SGSM3: variants seen among roughly 807,000 people sequenced by gnomAD.
SGSM3 encodes the protein RUN and SH3 containing 3.
SGSM3 carries 96 observed loss-of-function variants against 100.5 expected under a neutral mutation model. That is an observed-to-expected ratio of 0.96 (90% CI 0.81 to 1.13). SGSM3 has a LOEUF of 1.13. Among genes scored for constraint, SGSM3 ranks in the 50% most tolerant of loss-of-function variants. The pLI, the probability that SGSM3 is intolerant of heterozygous loss-of-function variation, is 0.00. For synonymous variants in SGSM3, 483 were observed against 422.8 expected (o/e 1.14, Z -1.75); for missense variants, 1,001 against 1,015.8 (o/e 0.99, Z 0.20).
chr22:40,402,962 TCA>T (rs1220986073), intron 4 of SGSM3, among the ~76,000 whole-genome samples: 1 of 152,224 alleles, frequency 6.6e-6, no homozygotes, highest in Non-Finnish European at 1.5e-5. Context: ...CACCTTCAGG[TCA>T]CTCACGTTTC....
rs2051539927 is a variant in SGSM3 at position 40,406,474 on chromosome 22, A to T, written c.997A>T (p.Ile333Phe). Residue 333 changes from isoleucine (I) to phenylalanine (F), a missense_variant, in exon 10 of 22, where the codon ATC becomes TTC. By Grantham distance (21) the Ile-to-Phe change is conservative. Transcript: ENST00000248929. ...ELIQSENSAS[I>F]FNTLSDIPSQ... The stretch of plus-strand genomic sequence containing the variant: ...GATCCAGTCAGAGAACTCGGCCTCC[A>T]TCTTCAACACGCTATCGGATATCCC... 2 of 1,601,198 alleles carry T rather than the reference A, an allele frequency of 1.2e-6. No homozygotes were observed. The highest frequency in any genetic ancestry group is 1.7e-6 in the Non-Finnish European group (2 of 1,171,698).
chr22:40,385,261 T>C (rs767837725), intron 1 of SGSM3, among the ~76,000 whole-genome samples: 12 of 152,112 alleles, frequency 7.9e-5, no homozygotes, highest in Non-Finnish European at 1.6e-4. Context: ...AGTGAGTTGA[T>C]TGATGAAGCA....
At position 40,406,313 on chromosome 22, in the gene SGSM3, G is replaced by T. The variant is rs576727197; in HGVS notation, c.960+90G>T. ...GACCTCCCTGGGCCAGGCAAGACCA[G>T]CCCCCTGGCCCCTGACAACTGTGCC... On this transcript the variant is annotated intron_variant, in intron 9 of 21. Coordinates refer to ENST00000248929, the MANE Select transcript of SGSM3 (RefSeq NM_015705.6). 3 of 1,550,658 alleles carry T rather than the reference G, an allele frequency of 1.9e-6. No homozygotes were observed. The South Asian group carries it at 3.5e-5, about 18-fold the overall frequency.
intron 1 of SGSM3, among the ~76,000 whole-genome samples, chr22:40,376,680 A>G (rs2046672914): frequency 6.6e-6 from 1 of 151,686 alleles, no homozygotes; most frequent in African/African-American, 2.4e-5. Context: ...AGGTGAGACA[A>G]CAGTGACAGA....
Position 40,407,452 on chromosome 22 carries a change from G to A in SGSM3, c.1408G>A (p.Asp470Asn), listed in dbSNP as rs779740306. 1.2e-6 allele frequency: 2 copies of A among 1,612,602 alleles called. No homozygotes were observed. Among genetic ancestry groups the A allele is most frequent in the Non-Finnish European group, 1.7e-6 (2 of 1,179,886 alleles). ...PDYSMESHQRDHENYVACSRS... is the reference protein window; with the variant it reads ...PDYSMESHQRNHENYVACSRS... ...CTATAGCATGGAGAGCCACCAGCGG[G>A]ACCACGAGAACTACGTGGCGTGCTC... Residue 470 changes from aspartate to asparagine, a missense_variant, in exon 13 of 22, where the codon GAC becomes AAC. By Grantham distance (23) the Asp-to-Asn change is conservative. Coordinates refer to ENST00000248929, the MANE Select transcript of SGSM3 (RefSeq NM_015705.6). This position sits in a 1 kb window ranked among gnomAD's most constrained non-coding sequence, Gnocchi z 4.7.
rs2050628194 is a variant in SGSM3, at chr22:40,400,642, T to C, written c.-111-54T>C. The C allele has an allele frequency of 4.4e-6, 3 of 675,982 alleles. No homozygotes were observed. The Admixed American group carries it at 8.8e-5, about 20-fold the overall frequency. The allele number at this position is 675,982 out of a possible 1,614,324, so 41.9% of individuals were successfully genotyped here. A position where few individuals can be genotyped will look rare whatever the true frequency, so the allele number is the denominator to read the frequency against. On this transcript the variant is annotated intron_variant, in intron 1 of 21. Coordinates refer to ENST00000248929, the MANE Select transcript of SGSM3 (RefSeq NM_015705.6). ...TGAGGTGACCAAGCGAGACTCTGTC[T>C]AAAAAAAAATAAAAATAAAAATAGA...
At chr22:40,381,120 A>G (rs1214763685) in intron 1 of SGSM3, among the ~76,000 whole-genome samples, 1 of 152,150 alleles carries the variant, frequency 6.6e-6, no homozygotes, top group East Asian at 1.9e-4. Context: ...ATAAGCCATC[A>G]GAAAAGAGGT....
At chr22:40,400,916 A>G (rs2050665141) in intron 2 of SGSM3, 103 bp downstream of exon 2, 1 of 1,154,700 alleles carries the variant, frequency 8.7e-7, no homozygotes, top group East Asian at 2.8e-5. Flanking sequence ...TCCAGATAAG[A>G]GAGGTGGAGA....
intron 3 of SGSM3, 97 bp from the exon 4 acceptor site, chr22:40,402,042 T>G (rs866385781): frequency 8.8e-6 from 8 of 910,058 alleles, no homozygotes; most frequent in Middle Eastern, 2.3e-4. Flanking sequence ...GAAGGCTGGG[T>G]GGGATTTTAG....
At chr22:40,379,713 C>T (rs748538700) in intron 1 of SGSM3, among the ~76,000 whole-genome samples, 1 of 151,926 alleles carries the variant, frequency 6.6e-6, no homozygotes, top group African/African-American at 2.4e-5. Flanking sequence ...TTTGTGGTCT[C>T]TGTTCTTATT....
intron 7 of SGSM3, 65 bp downstream of exon 7, chr22:40,405,349 TG>T: frequency 7.2e-7 from 1 of 1,384,760 alleles, no homozygotes; most frequent in Non-Finnish European, 9.4e-7. Context: ...TAACAAGGAG[TG>T]GCCTCCCGCT....
chr22:40,375,980 G>A (rs2146750172), intron 1 of SGSM3, among the ~76,000 whole-genome samples: 1 of 151,586 alleles, frequency 6.6e-6, no homozygotes, highest in East Asian at 2.0e-4. Context: ...GATTGAAGCT[G>A]TAGTGAGCTG....
intron 1 of SGSM3, chr22:40,387,295 G>A (rs1051522812): frequency 2.5e-6 from 1 of 398,260 alleles, no homozygotes; most frequent in Non-Finnish European, 4.4e-6. Flanking sequence ...TGTATATAGT[G>A]TAGTATAATT....
chr22:40,391,982 C>G (rs1387082914), intron 1 of SGSM3, among the ~76,000 whole-genome samples: 1 of 152,122 alleles, frequency 6.6e-6, no homozygotes, highest in Admixed American at 6.5e-5. Context: ...AGCTTTTTTC[C>G]CCCTTAGAGC....
chr22:40,409,773 A>C lies in SGSM3; in HGVS notation c.*14A>C, dbSNP rs552793411. ...GTGGACGGGTGACCCCCTCCTCCCCAGCCCAACCTCGGGCCTGCGTCTGAG... is the reference window on the plus strand; with the variant it reads ...GTGGACGGGTGACCCCCTCCTCCCCCGCCCAACCTCGGGCCTGCGTCTGAG... On this transcript the variant is annotated 3_prime_UTR_variant, in exon 22 of 22. Coordinates refer to ENST00000248929, the MANE Select transcript of SGSM3 (RefSeq NM_015705.6). The C allele has an allele frequency of 1.9e-6, 3 of 1,603,270 alleles. No homozygotes were observed. The highest frequency in any genetic ancestry group is 2.5e-6 in the Non-Finnish European group (3 of 1,178,104).
intron 9 of SGSM3, 67 bp downstream of exon 9, chr22:40,406,290 C>A: frequency 1.3e-6 from 2 of 1,592,926 alleles, no homozygotes; most frequent in African/African-American, 1.3e-5. Flanking sequence ...GAGCAAGAGA[C>A]CTCCCTGGGC....
chr22:40,407,791 C>T lies in SGSM3; in HGVS notation c.1527C>T (p.Ile509=), dbSNP rs377611673. The T allele has an allele frequency of 1.1e-5, 17 of 1,614,016 alleles. No homozygotes were observed. Among genetic ancestry groups the T allele is most frequent in the Admixed American group, 3.3e-5 (2 of 60,010 alleles). The part of the protein sequence containing the change: ...LGFRKNDIIT[I]VSQKDEHCWV... ...CTGCTGTTTTTCCTCCTGTGCAGAT[C>T]GTGTCTCAGAAGGACGAGCACTGCT... The change falls in exon 14 of 22, where the codon ATC becomes ATT. Residue 509 remains isoleucine (I), a splice_region_variant and synonymous_variant. Transcript: ENST00000248929. The surrounding 1 kb of genome is among the most constrained non-coding windows in gnomAD (Gnocchi z 4.7).
chr22:40,400,693 C>A lies in SGSM3; in HGVS notation c.-111-3C>A. ...ATGACTTTCCTCTTTTCTCTTCTAACAGGGCAGATGATTCTGGACCAGATG... is the reference window on the plus strand; with the variant it reads ...ATGACTTTCCTCTTTTCTCTTCTAAAAGGGCAGATGATTCTGGACCAGATG... On this transcript the variant is annotated splice_polypyrimidine_tract_variant and splice_region_variant and intron_variant, in intron 1 of 21. Coordinates refer to ENST00000248929, the MANE Select transcript of SGSM3 (RefSeq NM_015705.6). 1.0e-6 allele frequency: 1 copy of A among 998,626 alleles called. No homozygotes were observed. Among genetic ancestry groups the A allele is most frequent in the Non-Finnish European group, 1.5e-6 (1 of 659,034 alleles). 61.9% of individuals were successfully genotyped at this position (998,626 alleles called of 1,614,324 possible).
chr22:40,381,676 C>T (rs891218510), intron 1 of SGSM3, among the ~76,000 whole-genome samples: 2 of 152,018 alleles, frequency 1.3e-5, no homozygotes, highest in African/African-American at 4.8e-5. Context: ...TTCTTGGGGC[C>T]GGGCGTAGTG....
Sources: gnomAD v4.1 joint callset for allele counts (sites outside exome capture counted in the v4.1 genomes callset) on GRCh38, gnomAD v4.1.1 for gene constraint, Gnocchi (gnomAD v3.1) non-coding constraint, MANE v1.5 for transcripts, NCBI Gene and HGNC (gene_info 2026-07-23, HGNC 2026-07-21) for gene names.